ATL2: variants seen among roughly 807,000 people sequenced by gnomAD.
The protein encoded by ATL2 is atlastin GTPase 2.
Under a neutral mutation model 73.9 loss-of-function variants are expected in ATL2, and 31 were observed. That is an observed-to-expected ratio of 0.42 (90% CI 0.32 to 0.57). The LOEUF (loss-of-function observed/expected upper bound fraction) is 0.57, where lower values mean the gene tolerates loss of function less well. Ranked by LOEUF, ATL2 falls within the 20% of genes least tolerant of loss-of-function variation. The probability of loss-of-function intolerance (pLI) is 0.14; values close to 1 mark genes in which losing one functional copy is unlikely to be tolerated. For missense variants in ATL2, 738 were observed against 702.6 expected (o/e 1.05, Z -0.57); for synonymous variants, 291 against 237.5 (o/e 1.23, Z -2.07).
intron 8 of ATL2, 62 bp from the exon 9 acceptor site, chr2:38,309,568 A>G: frequency 6.7e-7 from 1 of 1,482,910 alleles, no homozygotes. Context: ...CACTGGTACG[A>G]TTTCATAAAA....
intron 2 of ATL2, among the ~76,000 whole-genome samples, chr2:38,336,940 T>A (rs777208786): frequency 2.6e-5 from 4 of 152,076 alleles, no homozygotes; most frequent in African/African-American, 4.8e-5. Context: ...CAAACTTGAG[T>A]CTGATGAAGT....
At chr2:38,299,167 T>G in intron 11 of ATL2, 89 bp downstream of exon 11, 1 of 1,254,752 alleles carries the variant, frequency 8.0e-7, no homozygotes, top group Non-Finnish European at 1.0e-6. Flanking sequence ...ACAAATTCGC[T>G]CAATTATTTA....
chr2:38,334,819 TA>T (rs1410423893), intron 2 of ATL2, among the ~76,000 whole-genome samples: 1 of 118,420 alleles, frequency 8.4e-6, no homozygotes, highest in Non-Finnish European at 1.9e-5. Context: ...GTTTCAATAA[TA>T]ATATTCAACA....
Position 38,335,613 on chromosome 2 carries a change from TAGAG to T in ATL2, c.363+7651_363+7654del, listed in dbSNP as rs577556877. Reference sequence around the variant, plus strand: ...GATAGCAGTAACTGGGAAGGGGAATTAGAGAGCCTCCTAGAATGCAGGAAATGCT... The same window carrying T: ...GATAGCAGTAACTGGGAAGGGGAATTAGCCTCCTAGAATGCAGGAAATGCT... On this transcript the variant is annotated intron_variant, in intron 2 of 12. Transcript: ENST00000378954. Among the ~76,000 whole-genome samples the T allele has an allele frequency of 6.2e-4, 95 of 152,170 alleles. 1 individual carries two copies. The highest frequency in any genetic ancestry group is 1.9e-3 in the African/African-American group (78 of 41,504).
intron 1 of ATL2, among the ~76,000 whole-genome samples, chr2:38,360,188 C>T (rs12712590): frequency 6.9e-6 from 1 of 145,364 alleles, no homozygotes; most frequent in Admixed American, 6.9e-5. Context: ...TTTTAAATGA[C>T]GTTAAAATTT....
intron 12 of ATL2, among the ~76,000 whole-genome samples, chr2:38,297,297 A>C (rs942550433): frequency 1.3e-5 from 2 of 152,198 alleles, no homozygotes; most frequent in Non-Finnish European, 2.9e-5. Context: ...TCTTCAAAAT[A>C]AGCTCAATAT....
chr2:38,327,081 C>G (rs988092113), intron 2 of ATL2, among the ~76,000 whole-genome samples: 3 of 151,614 alleles, frequency 2.0e-5, no homozygotes, highest in African/African-American at 7.3e-5. Flanking sequence ...CCCCACCAAA[C>G]TAGAATTCTG....
chr2:38,307,076 G>A (rs1344681016), intron 9 of ATL2, among the ~76,000 whole-genome samples: 1 of 152,100 alleles, frequency 6.6e-6, no homozygotes, highest in Non-Finnish European at 1.5e-5. Flanking sequence ...ACACATTGGT[G>A]GCCAGGTATG....
At chr2:38,371,269 G>A (rs1306098294) in intron 1 of ATL2, among the ~76,000 whole-genome samples, 1 of 151,370 alleles carries the variant, frequency 6.6e-6, no homozygotes, top group African/African-American at 2.4e-5. Context: ...ACACTTGGGA[G>A]GCAGAGATGG....
At position 38,335,476 on chromosome 2, in the gene ATL2, A is replaced by C. The variant is rs548273123; in HGVS notation, c.363+7792T>G. Among the ~76,000 whole-genome samples the C allele has an allele frequency of 8.5e-5, 13 of 152,356 alleles. No individual in the cohort carries two copies. The South Asian group carries it at 2.5e-3, about 29-fold the overall frequency. On this transcript the variant is annotated intron_variant, in intron 2 of 12. Transcript: ENST00000378954. ...ACCAGCCTTAATGCTTAGTGAAAGA[A>C]ACAAGACACAGGAGTACATACTCTA...
chr2:38,307,312 T>C (rs1043096115), intron 9 of ATL2, among the ~76,000 whole-genome samples: 2 of 152,024 alleles, frequency 1.3e-5, no homozygotes, highest in Non-Finnish European at 2.9e-5. Context: ...GAAGAAATCT[T>C]TTCCCAGAGC....
rs535679861 is a variant in ATL2 at position 38,344,879 on chromosome 2, C to T, written c.119-1367G>A. ...CAAACACTACAGCTGTTATAGCTCC[C>T]GAAAACAGCCATATAAACCCTTCCT... On this transcript the variant is annotated intron_variant, in intron 1 of 12. Transcript: ENST00000378954. Among the ~76,000 whole-genome samples, 98 of 152,232 alleles carry T rather than the reference C, an allele frequency of 6.4e-4. 1 individual carries two copies. The highest frequency in any genetic ancestry group is 2.3e-3 in the African/African-American group (95 of 41,532).
intron 9 of ATL2, among the ~76,000 whole-genome samples, chr2:38,305,234 A>C (rs1667385816): frequency 6.6e-6 from 1 of 152,112 alleles, no homozygotes; most frequent in African/African-American, 2.4e-5. Context: ...ATTATTAGAA[A>C]CTAAAGAAAG....
chr2:38,296,162 A>G (rs769530522), intron 12 of ATL2, 49 bp from the exon 13 acceptor site: 8 of 1,500,310 alleles, frequency 5.3e-6, no homozygotes, highest in Middle Eastern at 1.7e-4. Flanking sequence ...AGGTAAAAAA[A>G]GAGTTACATA....
intron 9 of ATL2, 99 bp downstream of exon 9, chr2:38,309,280 T>C: frequency 1.7e-6 from 2 of 1,168,438 alleles, no homozygotes; most frequent in Non-Finnish European, 2.3e-6. Flanking sequence ...TTACTCTTTT[T>C]TGTTTTAAAA....
At chr2:38,377,726 C>G (rs189258094), upstream of ATL2, among the ~76,000 whole-genome samples, 11 of 152,282 alleles carry the variant, frequency 7.2e-5, no homozygotes, top group African/African-American at 2.6e-4. Context: ...CCCTTCTCTC[C>G]TTTTCATCGC....
Position 38,343,455 on chromosome 2 carries a change from C to T in ATL2, c.176G>A (p.Cys59Tyr). Residue 59 changes from cysteine to tyrosine, a missense_variant, in exon 2 of 13, where the codon TGT becomes TAT. Physicochemically the swap from Cys to Tyr is radical, Grantham distance 194 (BLOSUM62 -2). Coordinates refer to ENST00000378954, the MANE Select transcript of ATL2 (RefSeq NM_001135673.4). ...ATGAGCAAGAACAATCTGTACTGGA[C>T]ATGGTTTCTTCATAACCTCATCAGA... ...VNSDEVMKKP[C>Y]PVQIVLAHED... 1 of 1,611,872 alleles carries T rather than the reference C, an allele frequency of 6.2e-7. No individual in the cohort carries two copies. Among genetic ancestry groups the T allele is most frequent in the Non-Finnish European group, 8.5e-7 (1 of 1,178,618 alleles).
chr2:38,356,743 T>C (rs1670692206), intron 1 of ATL2, among the ~76,000 whole-genome samples: 1 of 152,198 alleles, frequency 6.6e-6, no homozygotes, highest in African/African-American at 2.4e-5. Context: ...TAAAATTAAA[T>C]AAAACTGAAA....
chr2:38,331,840 A>G (rs1669014647), intron 2 of ATL2, among the ~76,000 whole-genome samples: 1 of 151,770 alleles, frequency 6.6e-6, no homozygotes, highest in Admixed American at 6.6e-5. Context: ...TGACATATAC[A>G]TATATAAATA....
Sources: gnomAD v4.1 joint callset for allele counts (sites outside exome capture counted in the v4.1 genomes callset) on GRCh38, gnomAD v4.1.1 for gene constraint, MANE v1.5 for transcripts, NCBI Gene and HGNC (gene_info 2026-07-23, HGNC 2026-07-21) for gene names.